PTPRG: variants seen among roughly 807,000 people sequenced by gnomAD.
The protein encoded by PTPRG is protein tyrosine phosphatase receptor type G.
A neutral mutation model predicts 165.3 loss-of-function variants in PTPRG; 102 were observed. That is an observed-to-expected ratio of 0.62 (90% CI 0.53 to 0.73). PTPRG has a LOEUF of 0.73. PTPRG is among the 30% of genes least tolerant of loss of function. The pLI is 0.00. For synonymous variants in PTPRG, 675 were observed against 669.5 expected (o/e 1.01, Z -0.13); for missense variants, 1,866 against 1,861.4 (o/e 1.00, Z -0.05).
chr3:61,895,514 T>C (rs1414873362), intron 2 of PTPRG, among the ~76,000 whole-genome samples: 1 of 152,236 alleles, frequency 6.6e-6, no homozygotes, highest in Non-Finnish European at 1.5e-5. Context: ...GCTGTGCATA[T>C]AAATGTATAG....
chr3:61,718,365 C>A (rs1559572588), intron 1 of PTPRG, among the ~76,000 whole-genome samples: 1 of 151,986 alleles, frequency 6.6e-6, no homozygotes, highest in Non-Finnish European at 1.5e-5. Context: ...TGTGATGGTC[C>A]ATAGAAATGA....
In PTPRG at chr3:61,956,090, T is replaced by TTATATATATATATATATA. The variant is rs139960761; in HGVS notation, c.191-33518_191-33517insATATATATATATATATAT. On this transcript the variant is annotated intron_variant, in intron 2 of 29. Coordinates refer to ENST00000474889, the MANE Select transcript of PTPRG (RefSeq NM_002841.4). Reference sequence around the variant, plus strand: ...AGCATGTGGACTAAGGGGAAAAAAATTATATATATATATATATGAAAAATT... The same window carrying TTATATATATATATATATA: ...AGCATGTGGACTAAGGGGAAAAAAATTATATATATATATATATATATATATATATATATATGAAAAATT... Among the ~76,000 whole-genome samples, 177 of 149,048 alleles carry TTATATATATATATATATA rather than the reference T, an allele frequency of 1.2e-3. 1 individual carries two copies. The highest frequency in any genetic ancestry group is 3.9e-3 in the African/African-American group (159 of 40,264).
intron 2 of PTPRG, among the ~76,000 whole-genome samples, chr3:61,939,516 A>G (rs912074524): frequency 6.6e-6 from 1 of 152,198 alleles, no homozygotes; most frequent in African/African-American, 2.4e-5. Flanking sequence ...ATTTTATAAG[A>G]TTGTTTAAGG....
At chr3:62,146,546 G>A (rs745948489) in intron 6 of PTPRG, among the ~76,000 whole-genome samples, 25 of 151,536 alleles carry the variant, frequency 1.6e-4, no homozygotes, top group Non-Finnish European at 2.9e-4. Context: ...GATGGAGAGT[G>A]TTTCACAGGC....
chr3:61,832,191 A>G (rs993149355), intron 2 of PTPRG, among the ~76,000 whole-genome samples: 3 of 152,250 alleles, frequency 2.0e-5, no homozygotes, highest in Non-Finnish European at 4.4e-5. Flanking sequence ...TGTAATGGGC[A>G]CATTCTCCCC....
chr3:61,900,914 T>G (rs563429196), intron 2 of PTPRG, among the ~76,000 whole-genome samples: 2 of 152,292 alleles, frequency 1.3e-5, no homozygotes, highest in South Asian at 4.1e-4. Flanking sequence ...GAAGCCTCCA[T>G]TACCTCATCT....
chr3:62,025,607 CTT>C lies in PTPRG; in HGVS notation c.519+22113_519+22114del, dbSNP rs531472417. On this transcript the variant is annotated intron_variant, in intron 4 of 29. Transcript: ENST00000474889. Reference sequence around the variant, plus strand: ...GGAGTAATTTTTTTCCCTTTTAAGTCTTTTCATGTGACCTCAATTTTTCAAAT... The same window carrying C: ...GGAGTAATTTTTTTCCCTTTTAAGTCTTCATGTGACCTCAATTTTTCAAAT... Among the ~76,000 whole-genome samples the C allele has an allele frequency of 2.0e-5, 3 of 152,156 alleles. No homozygotes were observed. In the South Asian group the frequency reaches 6.2e-4, roughly 32 times the overall value.
intron 2 of PTPRG, chr3:61,769,637 T>TTA (rs2107015623): frequency 6.6e-6 from 1 of 152,204 alleles, no homozygotes; most frequent in African/African-American, 2.4e-5. Flanking sequence ...AATAAGGAAT[T>TTA]GAAGATTTTA....
chr3:62,189,934 G>A (rs940702100), intron 8 of PTPRG, among the ~76,000 whole-genome samples: 1 of 152,042 alleles, frequency 6.6e-6, no homozygotes, highest in Non-Finnish European at 1.5e-5. Context: ...CCTTCCCACC[G>A]GATCCCTTTA....
chr3:61,582,169 T>C (rs1380780049), intron 1 of PTPRG, among the ~76,000 whole-genome samples: 2 of 151,740 alleles, frequency 1.3e-5, no homozygotes, highest in Admixed American at 6.6e-5. Flanking sequence ...GGTTTTGCCA[T>C]GTTGCCCAGG....
intron 12 of PTPRG, among the ~76,000 whole-genome samples, 196 bp from the exon 13 acceptor site, chr3:62,218,655 A>G (rs1445638070): frequency 6.6e-6 from 1 of 152,186 alleles, no homozygotes; most frequent in Non-Finnish European, 1.5e-5. Flanking sequence ...TGCAGCCCAT[A>G]GAAGAGGCCC....
rs1700587910 is a variant in PTPRG, at chr3:62,219,111, C to G, written c.2288+128C>G. 3 of 1,282,920 alleles carry G rather than the reference C, an allele frequency of 2.3e-6. No individual in the cohort carries two copies. 79.5% of individuals were successfully genotyped at this position (1,282,920 alleles called of 1,614,324 possible). ...GTAGCTTAAGTGTTTCTGGTCTTGC[C>G]ACCCGGAAGGCCATCTTGTCTCTGT... On this transcript the variant is annotated intron_variant, in intron 13 of 29. Coordinates refer to ENST00000474889, the MANE Select transcript of PTPRG (RefSeq NM_002841.4). This position sits in a 1 kb window ranked among gnomAD's most constrained non-coding sequence, Gnocchi z 4.5.
intron 6 of PTPRG, among the ~76,000 whole-genome samples, chr3:62,134,626 T>G (rs1207211248): frequency 6.6e-6 from 1 of 152,232 alleles, no homozygotes; most frequent in Admixed American, 6.5e-5. Flanking sequence ...CACTCTCTGT[T>G]ACACCATCCC....
At chr3:61,767,314 A>G (rs2034057424) in intron 2 of PTPRG, among the ~76,000 whole-genome samples, 1 of 148,256 alleles carries the variant, frequency 6.7e-6, no homozygotes, top group South Asian at 2.1e-4. Context: ...TAAAAAAGGC[A>G]TACCATTTTC....
chr3:62,101,873 T>G (rs1211508027), intron 5 of PTPRG, among the ~76,000 whole-genome samples: 6 of 152,240 alleles, frequency 3.9e-5, no homozygotes, highest in Non-Finnish European at 8.8e-5. Context: ...ATCAAGTATG[T>G]AACTCTGCCC....
rs926944080 is a variant in PTPRG at position 62,132,734 on chromosome 3, T to C, written c.682+66T>C. On this transcript the variant is annotated intron_variant, in intron 6 of 29. Transcript: ENST00000474889. ...GGGCTCAGATCTCTACCTAAAAGAATCAGGTTATCTTGCAGAGGACAGAGG... is the reference window on the plus strand; with the variant it reads ...GGGCTCAGATCTCTACCTAAAAGAACCAGGTTATCTTGCAGAGGACAGAGG... The C allele has an allele frequency of 1.0e-5, 14 of 1,395,018 alleles. No homozygotes were observed. In the Admixed American group the frequency reaches 1.5e-4, roughly 15 times the overall value. The allele number at this position is 1,395,018 out of a possible 1,614,324, so 86.4% of individuals were successfully genotyped here. A position where few individuals can be genotyped will look rare whatever the true frequency, so the allele number is the denominator to read the frequency against.
intron 2 of PTPRG, among the ~76,000 whole-genome samples, chr3:61,862,174 A>G (rs1431551979): frequency 6.6e-6 from 1 of 152,108 alleles, no homozygotes; most frequent in Non-Finnish European, 1.5e-5. Flanking sequence ...CCAGGGGTCT[A>G]GATTCCTTGC....
intron 2 of PTPRG, among the ~76,000 whole-genome samples, chr3:61,863,225 C>A (rs1475974413): frequency 6.6e-6 from 1 of 152,194 alleles, no homozygotes; most frequent in African/African-American, 2.4e-5. Context: ...TTGTCTTGGA[C>A]TGAGACAGTG....
At chr3:61,596,620 G>T (rs927167810) in intron 1 of PTPRG, among the ~76,000 whole-genome samples, 5 of 152,092 alleles carry the variant, frequency 3.3e-5, no homozygotes, top group Non-Finnish European at 7.4e-5. Flanking sequence ...GATTCAGAAA[G>T]TCCGAGACCC....
Sources: gnomAD v4.1 joint callset for allele counts (sites outside exome capture counted in the v4.1 genomes callset) on GRCh38, gnomAD v4.1.1 for gene constraint, Gnocchi (gnomAD v3.1) non-coding constraint, MANE v1.5 for transcripts, NCBI Gene and HGNC (gene_info 2026-07-23, HGNC 2026-07-21) for gene names.